Variants in TNIP2 observed in about 807,000 individuals in gnomAD.
TNIP2 encodes the protein TNFAIP3-interacting protein 2.
Under a neutral mutation model 43.7 loss-of-function variants are expected in TNIP2, and 30 were observed. That is an observed-to-expected ratio of 0.69 (90% CI 0.51 to 0.93). The LOEUF is 0.93. TNIP2 is among the 40% of genes least tolerant of loss of function. The probability of loss-of-function intolerance (pLI) is 0.00; values close to 1 mark genes in which losing one functional copy is unlikely to be tolerated. For synonymous variants in TNIP2, 260 were observed against 254.6 expected (o/e 1.02, Z -0.20); for missense variants, 599 against 591.0 (o/e 1.01, Z -0.14).
chr4:2,755,903 G>A, intron 1 of TNIP2, 111 bp downstream of exon 1: 1 of 1,312,132 alleles, frequency 7.6e-7, no homozygotes, highest in Non-Finnish European at 9.7e-7. Context: ...CCAGGACCCA[G>A]TACCCCCTCA....
intron 2 of TNIP2, among the ~76,000 whole-genome samples, chr4:2,746,595 C>G (rs1292412453): frequency 6.6e-6 from 1 of 152,244 alleles, no homozygotes; most frequent in African/African-American, 2.4e-5. Flanking sequence ...CCAACCTTCT[C>G]CCCAGTGGGC....
chr4:2,744,683 C>G lies in TNIP2; in HGVS notation c.906+14G>C. ...CATCTGGTCAGTGCCGTCCGGAGCCCGAGGGACAGACACCTGCTGTTCCAG... is the reference window on the plus strand; with the variant it reads ...CATCTGGTCAGTGCCGTCCGGAGCCGGAGGGACAGACACCTGCTGTTCCAG... On this transcript the variant is annotated intron_variant, in intron 4 of 5. Coordinates refer to ENST00000315423, the MANE Select transcript of TNIP2 (RefSeq NM_024309.4). This position sits in a 1 kb window ranked among gnomAD's most constrained non-coding sequence, Gnocchi z 5.1. 6.3e-7 allele frequency: 1 copy of G among 1,596,780 alleles called. No homozygotes were observed. The highest frequency in any genetic ancestry group is 8.5e-7 in the Non-Finnish European group (1 of 1,176,328).
Position 2,756,322 on chromosome 4 carries a change from G to T in TNIP2, c.-33C>A. 5.1e-6 allele frequency: 6 copies of T among 1,182,496 alleles called. No homozygotes were observed. Among genetic ancestry groups the T allele is most frequent in the Non-Finnish European group, 6.3e-6 (6 of 952,230 alleles). The allele number at this position is 1,182,496 out of a possible 1,614,324, so 73.3% of individuals were successfully genotyped here. ...GGCCCGCCCGGGAGGCCGCGCGGCCGCCGGCAACTTCCGCGCCCGGGCCCC... is the reference window on the plus strand; with the variant it reads ...GGCCCGCCCGGGAGGCCGCGCGGCCTCCGGCAACTTCCGCGCCCGGGCCCC... On this transcript the variant is annotated 5_prime_UTR_variant, in exon 1 of 6. Transcript: ENST00000315423.
At chr4:2,751,241 A>G (rs1560647854) in intron 1 of TNIP2, among the ~76,000 whole-genome samples, 1 of 152,228 alleles carries the variant, frequency 6.6e-6, no homozygotes, top group Non-Finnish European at 1.5e-5. Context: ...TGTGGTCAGA[A>G]AACAAGGTAC....
chr4:2,744,340 C>T lies in TNIP2; in HGVS notation c.1026+47G>A. On this transcript the variant is annotated intron_variant, in intron 5 of 5. Coordinates refer to ENST00000315423, the MANE Select transcript of TNIP2 (RefSeq NM_024309.4). This position sits in a 1 kb window ranked among gnomAD's most constrained non-coding sequence, Gnocchi z 5.1. Reference sequence around the variant, plus strand: ...GGCTCTAATCTCATGAGAAGAGAAACAAAAACACTAAACCTAAGCAGGAAG... The same window carrying T: ...GGCTCTAATCTCATGAGAAGAGAAATAAAAACACTAAACCTAAGCAGGAAG... The T allele has an allele frequency of 1.2e-6, 2 of 1,612,130 alleles. No individual in the cohort carries two copies. The highest frequency in any genetic ancestry group is 2.2e-5 in the East Asian group (1 of 44,848).
At chr4:2,755,529 AC>A (rs1228884524) in intron 1 of TNIP2, among the ~76,000 whole-genome samples, 11 of 136,346 alleles carry the variant, frequency 8.1e-5, no homozygotes, top group Non-Finnish European at 1.7e-4. Flanking sequence ...ACCCCGCAGG[AC>A]CCAGAGCCCC....
rs199596183 is a variant in TNIP2 at position 2,747,887 on chromosome 4, A to C, written c.335T>G (p.Leu112Arg). 62 of 1,613,648 alleles carry C rather than the reference A, an allele frequency of 3.8e-5. No homozygotes were observed. The highest frequency in any genetic ancestry group is 5.2e-5 in the Non-Finnish European group (61 of 1,180,034). Residue 112 changes from leucine (L) to arginine (R), a missense_variant, in exon 2 of 6, where the codon CTG becomes CGG. Physicochemically the swap from Leu to Arg is moderately radical, Grantham distance 102. Coordinates refer to ENST00000315423, the MANE Select transcript of TNIP2 (RefSeq NM_024309.4). ...CTCTCGCTCGTGTTGGGGCTGGCTC[A>C]GCAGCTGCTGCATCTCCCTCTCTTT... is the stretch of plus-strand genomic sequence containing the variant. ...EEKEREMQQL[L>R]SQPQHEREKE...
intron 5 of TNIP2, among the ~76,000 whole-genome samples, chr4:2,742,833 C>T (rs966730739): frequency 6.6e-6 from 1 of 152,190 alleles, no homozygotes; most frequent in Non-Finnish European, 1.5e-5. Context: ...GCCCTGATGA[C>T]GTGGCCCACA....
chr4:2,752,488 G>T (rs1461094712), intron 1 of TNIP2, among the ~76,000 whole-genome samples: 2 of 152,164 alleles, frequency 1.3e-5, no homozygotes, highest in Non-Finnish European at 2.9e-5. Flanking sequence ...AGACGCACTG[G>T]TCAGCTCCTC....
Position 2,756,240 on chromosome 4 carries a change from G to C in TNIP2, c.50C>G (p.Ala17Gly). Residue 17 changes from alanine to glycine, a missense_variant, in exon 1 of 6, where the codon GCT (alanine) becomes GGT (glycine). Coordinates refer to ENST00000315423, the MANE Select transcript of TNIP2 (RefSeq NM_024309.4). ...GTGGTACAGGGTGCAGAGCGCGGCA[G>C]CTGCGCGCGGGGCCTCCTCCCAGCC... The part of the protein sequence containing the change: ...SGGWEEAPRA[A>G]AALCTLYHEA... 6.9e-7 allele frequency: 1 copy of C among 1,452,676 alleles called. No individual in the cohort carries two copies. Among genetic ancestry groups the C allele is most frequent in the Non-Finnish European group, 9.0e-7 (1 of 1,108,146 alleles). 90.0% of individuals were successfully genotyped at this position (1,452,676 alleles called of 1,614,324 possible).
intron 1 of TNIP2, among the ~76,000 whole-genome samples, chr4:2,751,778 G>A (rs1016611961): frequency 1.3e-5 from 2 of 149,452 alleles, no homozygotes; most frequent in Non-Finnish European, 3.0e-5. Flanking sequence ...CAAAAAGAGG[G>A]GAGGGGAGGG....
Position 2,744,968 on chromosome 4 carries a change from C to T in TNIP2, c.658-23G>A. 20 of 1,588,500 alleles carry T rather than the reference C, an allele frequency of 1.3e-5. No homozygotes were observed. Among genetic ancestry groups the T allele is most frequent in the Non-Finnish European group, 1.7e-5 (20 of 1,162,760 alleles). On this transcript the variant is annotated intron_variant, in intron 3 of 5. Transcript: ENST00000315423. The surrounding 1 kb of genome is among the most constrained non-coding windows in gnomAD (Gnocchi z 5.1). ...AACCTGAAGAGGTGGAGCCGGAAAGCTCACGGTGAAGGCAGCTGACAAAGC... is the reference window on the plus strand; with the variant it reads ...AACCTGAAGAGGTGGAGCCGGAAAGTTCACGGTGAAGGCAGCTGACAAAGC...
At chr4:2,749,415 T>C (rs1722046026) in intron 1 of TNIP2, among the ~76,000 whole-genome samples, 1 of 152,152 alleles carries the variant, frequency 6.6e-6, no homozygotes, top group African/African-American at 2.4e-5. Context: ...TACTTAGAGA[T>C]AGGGTCTTTG....
chr4:2,742,220 C>T lies in TNIP2; in HGVS notation c.*37G>A, dbSNP rs376964194. The T allele has an allele frequency of 5.1e-5, 73 of 1,426,886 alleles. No individual in the cohort carries two copies. The African/African-American group carries it at 7.1e-4, about 14-fold the overall frequency. 88.4% of individuals were successfully genotyped at this position (1,426,886 alleles called of 1,614,324 possible). On this transcript the variant is annotated 3_prime_UTR_variant, in exon 6 of 6. Transcript: ENST00000315423. ...ACCCTGTCCCTGAGGGCAGCTGCAC[C>T]GGGCCAGGAGGCCGCAAGGGCACGG...
At position 2,747,775 on chromosome 4, in the gene TNIP2, G is replaced by T. The variant is rs200463961; in HGVS notation, c.447C>A (p.Asn149Lys). 8 of 1,611,772 alleles carry T rather than the reference G, an allele frequency of 5.0e-6. No individual in the cohort carries two copies. The highest frequency in any genetic ancestry group is 1.6e-4 in the Middle Eastern group (1 of 6,062). ...ASDVLCRSLA[N>K]ETHQLRRTLT... Reference sequence around the variant, plus strand: ...GCGTCCTCCGCAGCTGATGGGTCTCGTTGGCCAAGGAGCGGCACAGGACGT... The same window carrying T: ...GCGTCCTCCGCAGCTGATGGGTCTCTTTGGCCAAGGAGCGGCACAGGACGT... The change falls in exon 2 of 6, where the codon AAC (asparagine) becomes AAA (lysine). Residue 149 changes from asparagine (N) to lysine (K), a missense_variant. Coordinates refer to ENST00000315423, the MANE Select transcript of TNIP2 (RefSeq NM_024309.4).
At chr4:2,747,342 G>T (rs2295498) in intron 2 of TNIP2, 31 of 316,108 alleles carry the variant, frequency 9.8e-5, no homozygotes, top group Admixed American at 2.2e-4. Flanking sequence ...AGCTCTGCCA[G>T]GCTCAGCTCC....
chr4:2,754,417 CTTTT>C (rs1180423797), intron 1 of TNIP2, among the ~76,000 whole-genome samples: 1 of 152,154 alleles, frequency 6.6e-6, no homozygotes, highest in Non-Finnish European at 1.5e-5. Flanking sequence ...GGATTTGCGT[CTTTT>C]TTTGTTTGTT....
intron 2 of TNIP2, among the ~76,000 whole-genome samples, chr4:2,746,907 C>A (rs958701196): frequency 2.0e-5 from 3 of 152,232 alleles, no homozygotes; most frequent in Admixed American, 2.0e-4. Context: ...TAGGAGCCCC[C>A]TGGTTTCTCC....
At position 2,756,144 on chromosome 4, in the gene TNIP2, C is replaced by A. The variant is rs1577314936; in HGVS notation, c.146G>T (p.Arg49Leu). The change falls in exon 1 of 6, where the codon CGC becomes CTC. Residue 49 changes from arginine to leucine, a missense_variant. Transcript: ENST00000315423. ...CCCCTCCAGCGCGGCCAGGCGGGCG[C>A]GGAGGCGAGCGATGAGGGCGTCGCG... is the stretch of plus-strand genomic sequence containing the variant. ...AARDALIARL[R>L]ARLAALEGDA... 7 of 1,475,150 alleles carry A rather than the reference C, an allele frequency of 4.7e-6. No homozygotes were observed. In the East Asian group the frequency reaches 1.2e-4, roughly 25 times the overall value. The allele number at this position is 1,475,150 out of a possible 1,614,324, so 91.4% of individuals were successfully genotyped here. A position where few individuals can be genotyped will look rare whatever the true frequency, so the allele number is the denominator to read the frequency against.
Sources: allele counts gnomAD v4.1 joint callset (sites outside exome capture counted in the v4.1 genomes callset), GRCh38; gene constraint gnomAD v4.1.1; non-coding constraint Gnocchi (gnomAD v3.1); transcripts MANE v1.5; gene names NCBI Gene and HGNC (gene_info 2026-07-23, HGNC 2026-07-21).